NPHP3: variants seen among roughly 807,000 people sequenced by gnomAD.
NPHP3 encodes nephrocystin-3.
A neutral mutation model predicts 171.9 loss-of-function variants in NPHP3; 123 were observed. That is an observed-to-expected ratio of 0.72 (90% CI 0.62 to 0.83). NPHP3 has a LOEUF of 0.83. Ranked by LOEUF, NPHP3 falls within the 40% of genes least tolerant of loss-of-function variation. The pLI, the probability that NPHP3 is intolerant of heterozygous loss-of-function variation, is 0.00. For synonymous variants in NPHP3, 558 were observed against 579.2 expected (o/e 0.96, Z 0.52); for missense variants, 1,506 against 1,591.9 (o/e 0.95, Z 0.92).
At position 132,716,746 on chromosome 3, in the gene NPHP3, G is replaced by A; in HGVS notation, c.823+11C>T. 6.2e-7 allele frequency: 1 copy of A among 1,613,360 alleles called. No homozygotes were observed. Among genetic ancestry groups the A allele is most frequent in the Non-Finnish European group, 8.5e-7 (1 of 1,179,532 alleles). The stretch of plus-strand genomic sequence containing the variant: ...CCACTAGGCAAGTAATTGACAAACA[G>A]CATGTATTACCTCTATTAACATTTG... On this transcript the variant is annotated intron_variant, in intron 4 of 26. Coordinates refer to ENST00000337331, the MANE Select transcript of NPHP3 (RefSeq NM_153240.5).
At chr3:132,713,799 G>A (rs540879449) in intron 5 of NPHP3, among the ~76,000 whole-genome samples, 1 of 152,232 alleles carries the variant, frequency 6.6e-6, no homozygotes, top group South Asian at 2.1e-4. Context: ...AAATGTCGTT[G>A]GGAATAACAT....
chr3:132,700,203 A>G, intron 11 of NPHP3, 131 bp downstream of exon 11: 2 of 1,233,972 alleles, frequency 1.6e-6, no homozygotes, highest in Non-Finnish European at 2.3e-6. Context: ...ATCGAATATT[A>G]TTTTTAACCT....
At chr3:132,717,121 G>A (rs1940074887) in intron 3 of NPHP3, 5 of 494,594 alleles carry the variant, frequency 1.0e-5, no homozygotes, top group African/African-American at 3.9e-5. Flanking sequence ...TCAAAGAGAG[G>A]ATTAAAAAGA....
At chr3:132,689,312 C>T (rs766516707) in intron 19 of NPHP3, 49 bp from the exon 20 acceptor site, 7 of 1,579,272 alleles carry the variant, frequency 4.4e-6, no homozygotes, top group Non-Finnish European at 6.1e-6. Context: ...CTTTAAAATC[C>T]ATTACAGAAT....
intron 9 of NPHP3, 54 bp from the exon 10 acceptor site, chr3:132,701,587 T>C: frequency 3.7e-6 from 4 of 1,093,750 alleles, no homozygotes; most frequent in Non-Finnish European, 5.6e-6. Context: ...CTGAGACTAC[T>C]GAAGAGTCAA....
chr3:132,693,527 G>A, intron 16 of NPHP3: 1 of 152,408 alleles, frequency 6.6e-6, no homozygotes, highest in Non-Finnish European at 1.5e-5. Flanking sequence ...CTTGGAGTGG[G>A]CTGAGAAGTC....
intron 17 of NPHP3, among the ~76,000 whole-genome samples, chr3:132,691,862 T>A (rs886976850): frequency 3.3e-5 from 5 of 152,182 alleles, no homozygotes; most frequent in African/African-American, 1.2e-4. Flanking sequence ...CGCCTGGGGC[T>A]TAGATCTTGC....
At chr3:132,688,446 T>A (rs1939214138) in intron 21 of NPHP3, among the ~76,000 whole-genome samples, 1 of 152,180 alleles carries the variant, frequency 6.6e-6, no homozygotes, top group South Asian at 2.1e-4. Context: ...CAAGACTATA[T>A]GACTCGAAAG....
rs183942988 is a variant in NPHP3 at position 132,686,913 on chromosome 3, A to G, written c.3201+238T>C. 2.0e-3 allele frequency among the ~76,000 whole-genome samples: 297 copies of G among 152,306 alleles called. 1 individual carries two copies. The highest frequency in any genetic ancestry group is 3.4e-3 in the Middle Eastern group (1 of 294). On this transcript the variant is annotated intron_variant, in intron 22 of 26. Coordinates refer to ENST00000337331, the MANE Select transcript of NPHP3 (RefSeq NM_153240.5). ...CTTTAAAGAACTGAGGTAGCTTTAAATTCCGTCTTTCAAAATCTAACCTTC... is the reference window on the plus strand; with the variant it reads ...CTTTAAAGAACTGAGGTAGCTTTAAGTTCCGTCTTTCAAAATCTAACCTTC...
chr3:132,687,861 T>TTAA (rs1560001607), intron 21 of NPHP3, among the ~76,000 whole-genome samples: 1 of 152,168 alleles, frequency 6.6e-6, no homozygotes, highest in Non-Finnish European at 1.5e-5. Context: ...GGCTAGAGAG[T>TTAA]TAATATTTTA....
intron 16 of NPHP3, 44 bp downstream of exon 16, chr3:132,694,783 C>A (rs543501657): frequency 1.9e-6 from 3 of 1,602,940 alleles, no homozygotes; most frequent in Non-Finnish European, 2.6e-6. Flanking sequence ...CACACACACA[C>A]AAAGCAAACT....
chr3:132,716,095 T>C (rs1940043944), intron 4 of NPHP3, among the ~76,000 whole-genome samples: 1 of 152,210 alleles, frequency 6.6e-6, no homozygotes, highest in Admixed American at 6.5e-5. Context: ...CAACTATCAT[T>C]AGTGTTAGTA....
intron 7 of NPHP3, 146 bp from the exon 8 acceptor site, chr3:132,705,960 A>G (rs1186554635): frequency 1.8e-6 from 1 of 558,982 alleles, no homozygotes; most frequent in Admixed American, 3.2e-5. Context: ...CAACCTTAGG[A>G]GGGAGATACT....
chr3:132,704,997 C>T (rs1939708781), intron 8 of NPHP3, among the ~76,000 whole-genome samples: 2 of 152,136 alleles, frequency 1.3e-5, no homozygotes, highest in Admixed American at 6.5e-5. Flanking sequence ...TTGGGGCTCA[C>T]TCTTTTTCTC....
At chr3:132,709,272 CTTTTTTTTTTTTTTT>C (rs3046397) in intron 6 of NPHP3, among the ~76,000 whole-genome samples, 1,295 of 76,170 alleles carry the variant, frequency 0.017, 47 homozygotes, top group African/African-American at 0.065. Flanking sequence ...CTTTCTCTCC[CTTTTTTTTTTTTTTT>C]TTTTTTTTTT....
At chr3:132,718,645 G>A (rs1171002557) in intron 3 of NPHP3, among the ~76,000 whole-genome samples, 1 of 152,222 alleles carries the variant, frequency 6.6e-6, no homozygotes, top group African/African-American at 2.4e-5. Flanking sequence ...ATCTTAGGTT[G>A]TACCTTCTGG....
chr3:132,699,347 T>C lies in NPHP3; in HGVS notation c.1985+6A>G. On this transcript the variant is annotated splice_donor_region_variant and intron_variant, in intron 13 of 26. Coordinates refer to ENST00000337331, the MANE Select transcript of NPHP3 (RefSeq NM_153240.5). The stretch of plus-strand genomic sequence containing the variant: ...TACTCTGAAAGAACTAAAGTTGGCA[T>C]CGTACCTCCATGCTGGAGGGCATGT... 2 of 1,592,772 alleles carry C rather than the reference T, an allele frequency of 1.3e-6. No individual in the cohort carries two copies. Among genetic ancestry groups the C allele is most frequent in the South Asian group, 2.2e-5 (2 of 90,592 alleles).
chr3:132,697,835 CAT>C (rs992896143), intron 13 of NPHP3, among the ~76,000 whole-genome samples: 68 of 152,056 alleles, frequency 4.5e-4, no homozygotes, highest in African/African-American at 1.6e-3. Flanking sequence ...CACATAGACA[CAT>C]ATATCTATAT....
Position 132,690,565 on chromosome 3 carries a change from G to A in NPHP3, c.2656C>T (p.Leu886Phe). Residue 886 changes from leucine to phenylalanine, a missense_variant, in exon 19 of 27, where the codon CTT becomes TTT. Leu to Phe is a conservative substitution (Grantham distance 22). Coordinates refer to ENST00000337331, the MANE Select transcript of NPHP3 (RefSeq NM_153240.5). ...QGSKQKLHDC[L>F]LNLFVSQNLY... ...TTTTGAGACACAAAGAGATTAAGAA[G>A]GCAATCATGCAGCTTCTGTTTACTT... The A allele has an allele frequency of 6.2e-7, 1 of 1,613,576 alleles. No homozygotes were observed. Among genetic ancestry groups the A allele is most frequent in the Non-Finnish European group, 8.5e-7 (1 of 1,179,596 alleles).
Sources: gnomAD v4.1 joint callset for allele counts (sites outside exome capture counted in the v4.1 genomes callset) on GRCh38, gnomAD v4.1.1 for gene constraint, MANE v1.5 for transcripts, NCBI Gene and HGNC (gene_info 2026-07-23, HGNC 2026-07-21) for gene names.